The following CBR1 variants were observed in gnomAD, a reference collection of about 807,000 sequenced individuals.
CBR1 encodes the protein carbonyl reductase [NADPH] 1.
CBR1 carries 11 observed loss-of-function variants against 10.6 expected under a neutral mutation model. That is an observed-to-expected ratio of 1.03 (90% CI 0.65 to 1.71). CBR1 has a LOEUF of 1.71. CBR1 is among the 40% of genes most tolerant of loss of function. The pLI is 0.00. For missense variants in CBR1, 361 were observed against 368.6 expected, an observed-to-expected ratio of 0.98 and a Z score of 0.17; for synonymous variants, 158 against 156.7, an observed-to-expected ratio of 1.01 and a Z score of -0.06.
chr21:36,070,866 T>TG, intron 1 of CBR1, 84 bp from the exon 2 acceptor site: 3 of 467,448 alleles, frequency 6.4e-6, no homozygotes, highest in Non-Finnish European at 6.8e-6. Context: ...TTTTTTTTTT[T>TG]TTTTTTTTTT....
In CBR1 at chr21:36,072,617, C is replaced by T. The variant is rs1252861298; in HGVS notation, c.569C>T (p.Pro190Leu). 5 of 1,606,006 alleles carry T rather than the reference C, an allele frequency of 3.1e-6. No individual in the cohort carries two copies. Among genetic ancestry groups the T allele is most frequent in the East Asian group, 4.5e-5 (2 of 44,784 alleles). ...KKGVHQKEGW[P>L]SSAYGVTKIG... ...GGAGTGCACCAGAAGGAGGGCTGGC[C>T]CAGCAGCGCATACGGGGTGACGAAG... Residue 190 changes from proline to leucine, a missense_variant, in exon 3 of 3, where the codon CCC becomes CTC. Pro to Leu is a moderately conservative substitution (Grantham distance 98, BLOSUM62 -3). Coordinates refer to ENST00000290349, the MANE Select transcript of CBR1 (RefSeq NM_001757.4).
intron 1 of CBR1, 134 bp downstream of exon 1, chr21:36,070,538 G>A (rs2065344304): frequency 8.2e-6 from 7 of 849,754 alleles, no homozygotes; most frequent in Non-Finnish European, 1.2e-5. Flanking sequence ...AAACCTTGGA[G>A]AAAGTGAGAG....
rs1464320802 is a variant in CBR1 at position 36,072,827 on chromosome 21, A to T, written c.779A>T (p.Asp260Val). Residue 260 changes from aspartate to valine, a missense_variant, in exon 3 of 3, where the codon GAT becomes GTT. By Grantham distance (152) the Asp-to-Val change is radical. Coordinates refer to ENST00000290349, the MANE Select transcript of CBR1 (RefSeq NM_001757.4). The stretch of plus-strand genomic sequence containing the variant: ...GTGTACTTGGCCCTTTTGCCCCCAG[A>T]TGCTGAGGGTCCCCATGGACAATTT... ...TPVYLALLPP[D>V]AEGPHGQFVS... 6.2e-7 allele frequency: 1 copy of T among 1,613,952 alleles called. No homozygotes were observed. Among genetic ancestry groups the T allele is most frequent in the Non-Finnish European group, 8.5e-7 (1 of 1,179,980 alleles).
intron 1 of CBR1, 140 bp downstream of exon 1, chr21:36,070,544 G>A (rs980614462): frequency 1.9e-5 from 16 of 830,194 alleles, no homozygotes; most frequent in Non-Finnish European, 2.8e-5. Flanking sequence ...TGGAGAAAGT[G>A]AGAGTTTTCC....
At chr21:36,071,556 G>T (rs913795235) in intron 2 of CBR1, 14 of 564,842 alleles carry the variant, frequency 2.5e-5, no homozygotes, top group African/African-American at 3.8e-5. Context: ...CACAATCTAA[G>T]ATATTTCCAG....
At chr21:36,070,503 G>T in intron 1 of CBR1, 99 bp downstream of exon 1, 2 of 1,225,854 alleles carry the variant, frequency 1.6e-6, no homozygotes, top group East Asian at 2.6e-5. Context: ...GGAGAGGGAG[G>T]AGCTAGGAGA....
In CBR1 at chr21:36,072,927, C is replaced by A; in HGVS notation, c.*45C>A. On this transcript the variant is annotated 3_prime_UTR_variant, in exon 3 of 3. Coordinates refer to ENST00000290349, the MANE Select transcript of CBR1 (RefSeq NM_001757.4). ...CCATGGGCCCCATTTTGTACCTTGT[C>A]CTGAGTTGGTCCAAAGGGCATTTAC... The A allele has an allele frequency of 7.1e-7, 1 of 1,404,478 alleles. No individual in the cohort carries two copies. Among genetic ancestry groups the A allele is most frequent in the Non-Finnish European group, 9.8e-7 (1 of 1,020,644 alleles). 87.0% of individuals were successfully genotyped at this position (1,404,478 alleles called of 1,614,324 possible). A position where few individuals can be genotyped will look rare whatever the true frequency, so the allele number is the denominator to read the frequency against.
At chr21:36,071,177 G>A in intron 2 of CBR1, 120 bp downstream of exon 2, 1 of 768,738 alleles carries the variant, frequency 1.3e-6, no homozygotes, top group Non-Finnish European at 2.4e-6. Context: ...TGACCTCTGT[G>A]CTTTTTCTCC....
chr21:36,070,205 G>A lies in CBR1; in HGVS notation c.90G>A (p.Ser30=), dbSNP rs1185943210. The change falls in exon 1 of 3, where the codon TCG becomes TCA. Residue 30 remains serine (S), a synonymous_variant. Coordinates refer to ENST00000290349, the MANE Select transcript of CBR1 (RefSeq NM_001757.4). ...AIVRDLCRLF[S]GDVVLTARDV... is the part of the protein sequence containing the mutation. ...TGCGCGACCTGTGCCGGCTGTTCTCGGGGGACGTGGTGCTCACGGCGCGGG... is the reference window on the plus strand; with the variant it reads ...TGCGCGACCTGTGCCGGCTGTTCTCAGGGGACGTGGTGCTCACGGCGCGGG... 1 of 1,607,814 alleles carries A rather than the reference G, an allele frequency of 6.2e-7. No individual in the cohort carries two copies.
At chr21:36,072,099 C>T (rs1331693369) in intron 2 of CBR1, 8 of 1,495,290 alleles carry the variant, frequency 5.4e-6, no homozygotes, top group Non-Finnish European at 7.1e-6. Context: ...AAATGTGTGG[C>T]TTCGAGTTGG....
At chr21:36,070,876 T>TTTTTTTTTTTA in intron 1 of CBR1, 74 bp from the exon 2 acceptor site, 1 of 890,542 alleles carries the variant, frequency 1.1e-6, no homozygotes, top group Non-Finnish European at 1.7e-6. Flanking sequence ...TTTTTTTTTT[T>TTTTTTTTTTTA]TTTTAGTATC....
Position 36,070,192 on chromosome 21 carries a change from G to C in CBR1, c.77G>C (p.Cys26Ser). 1.9e-6 allele frequency: 3 copies of C among 1,605,404 alleles called. No individual in the cohort carries two copies. Among genetic ancestry groups the C allele is most frequent in the Non-Finnish European group, 1.7e-6 (2 of 1,176,454 alleles). The change falls in exon 1 of 3, where the codon TGC becomes TCC. Residue 26 changes from cysteine to serine, a missense_variant. Physicochemically the swap from Cys to Ser is moderately radical, Grantham distance 112. Coordinates refer to ENST00000290349, the MANE Select transcript of CBR1 (RefSeq NM_001757.4). The stretch of plus-strand genomic sequence containing the variant: ...GGCTTGGCCATCGTGCGCGACCTGT[G>C]CCGGCTGTTCTCGGGGGACGTGGTG... ...GIGLAIVRDL[C>S]RLFSGDVVLT...
chr21:36,070,131 C>A lies in CBR1; in HGVS notation c.16C>A (p.His6Asn). 1 of 1,535,844 alleles carries A rather than the reference C, an allele frequency of 6.5e-7. No individual in the cohort carries two copies. Among genetic ancestry groups the A allele is most frequent in the South Asian group, 1.2e-5 (1 of 80,010 alleles). MSSGI[H>N]VALVTGGNKG... ...CCGTTCAGCCATGTCGTCCGGCATC[C>A]ATGTAGCGCTGGTGACTGGAGGCAA... The change falls in exon 1 of 3, where the codon CAT (histidine) becomes AAT (asparagine). Residue 6 changes from histidine to asparagine, a missense_variant. Physicochemically the swap from His to Asn is moderately conservative, Grantham distance 68. Coordinates refer to ENST00000290349, the MANE Select transcript of CBR1 (RefSeq NM_001757.4).
Position 36,072,526 on chromosome 21 carries a change from AG to A in CBR1, c.479del (p.Ser160MetfsTer13). ...CSPELQQKFR[S>X]ETITEEELVG... ...CCCAGAGCTGCAGCAGAAGTTCCGC[AG>A]TGAGACCATCACTGAGGAGGAGCTG... On this transcript the variant is annotated frameshift_variant, in exon 3 of 3. Transcript: ENST00000290349. LOFTEE classifies it low-confidence loss of function (END_TRUNC). 1 of 1,606,140 alleles carries A rather than the reference AG, an allele frequency of 6.2e-7. No homozygotes were observed. Among genetic ancestry groups the A allele is most frequent in the Non-Finnish European group, 8.5e-7 (1 of 1,176,890 alleles).
chr21:36,070,358 CG>C lies in CBR1; in HGVS notation c.248del (p.Gly83AlafsTer27), dbSNP rs1204842339. On this transcript the variant is annotated frameshift_variant, in exon 1 of 3. Transcript: ENST00000290349. LOFTEE classifies it high-confidence loss of function. ...ALRDFLRKEY[G>X]GLDVLVNNAG... ...TGCGCGACTTCCTGCGCAAGGAGTA[CG>C]GGGGCCTGGACGTGCTGGTCAACAA... 6.2e-7 allele frequency: 1 copy of C among 1,612,758 alleles called. No individual in the cohort carries two copies. The highest frequency in any genetic ancestry group is 8.5e-7 in the Non-Finnish European group (1 of 1,179,644).
chr21:36,072,723 C>G lies in CBR1; in HGVS notation c.675C>G (p.Ala225=). ...QRKGDKILLN[A]CCPGWVRTDM... ...AAGGGGACAAGATCCTCCTGAATGC[C>G]TGCTGCCCAGGGTGGGTGAGAACTG... The change falls in exon 3 of 3, where the codon GCC becomes GCG. Residue 225 remains alanine, a synonymous_variant. Transcript: ENST00000290349. The G allele has an allele frequency of 6.2e-7, 1 of 1,614,142 alleles. No homozygotes were observed.
chr21:36,070,741 T>C (rs1050557790), intron 1 of CBR1, among the ~76,000 whole-genome samples: 1 of 152,076 alleles, frequency 6.6e-6, no homozygotes, highest in Non-Finnish European at 1.5e-5. Flanking sequence ...TTCATCCTCC[T>C]TCCCCCAATG....
chr21:36,072,836 G>T lies in CBR1; in HGVS notation c.788G>T (p.Gly263Val). ...YLALLPPDAE[G>V]PHGQFVSEKR... ...GCCCTTTTGCCCCCAGATGCTGAGG[G>T]TCCCCATGGACAATTTGTTTCAGAG... Residue 263 changes from glycine (G) to valine (V), a missense_variant, in exon 3 of 3, where the codon GGT becomes GTT. Transcript: ENST00000290349. 1 of 1,613,936 alleles carries T rather than the reference G, an allele frequency of 6.2e-7. No homozygotes were observed. The highest frequency in any genetic ancestry group is 1.3e-5 in the African/African-American group (1 of 74,980).
Position 36,073,015 on chromosome 21 carries a change from G to A in CBR1, c.*133G>A, listed in dbSNP as rs9024. 0.12 allele frequency: 74,601 copies of A among 597,352 alleles called. 5,455 individuals are homozygous for A. Among genetic ancestry groups the A allele is most frequent in the East Asian group, 0.25 (8,637 of 34,790 alleles). The allele number at this position is 597,352 out of a possible 1,614,324, so 37.0% of individuals were successfully genotyped here. On this transcript the variant is annotated 3_prime_UTR_variant, in exon 3 of 3. Transcript: ENST00000290349. ...CTCTTATCAATTAGCACTCACTAAT[G>A]TACTACTAATTGAGCAACCTACGCA...
Sources: gnomAD v4.1 joint callset for allele counts (sites outside exome capture counted in the v4.1 genomes callset) on GRCh38, gnomAD v4.1.1 for gene constraint, MANE v1.5 for transcripts, NCBI Gene and HGNC (gene_info 2026-07-23, HGNC 2026-07-21) for gene names.